The following RBFOX2 variants were observed in gnomAD, a reference collection of about 807,000 sequenced individuals.
The protein encoded by RBFOX2 is RNA binding protein fox-1 homolog 2.
RBFOX2 carries 10 observed loss-of-function variants against 49.1 expected under a neutral mutation model. The observed-to-expected ratio is 0.20, with a 90% confidence interval of 0.13 to 0.35. The LOEUF (loss-of-function observed/expected upper bound fraction) is 0.35, where lower values mean the gene tolerates loss of function less well. RBFOX2 is among the 10% of genes least tolerant of loss of function. The probability of loss-of-function intolerance (pLI) is 1.00; values close to 1 mark genes in which losing one functional copy is unlikely to be tolerated. For synonymous variants in RBFOX2, 183 were observed against 187.4 expected (o/e 0.98, Z 0.19); for missense variants, 323 against 486.9 (o/e 0.66, Z 3.17).
At chr22:35,951,241 C>CTTTTT (rs1208551684) in intron 1 of RBFOX2, among the ~76,000 whole-genome samples, 17 of 78,346 alleles carry the variant, frequency 2.2e-4, no homozygotes, top group South Asian at 4.4e-4. Context: ...GCACCCGGCC[C>CTTTTT]TTTTTTTTTT....
At chr22:35,900,460 G>A (rs538236324) in intron 1 of RBFOX2, among the ~76,000 whole-genome samples, 1 of 152,170 alleles carries the variant, frequency 6.6e-6, no homozygotes, top group South Asian at 2.1e-4. Context: ...TTCTTCAGAA[G>A]AAATCTGAGG....
At chr22:35,781,438 T>A (rs1475478371) in intron 3 of RBFOX2, among the ~76,000 whole-genome samples, 162 bp downstream of exon 4, 1 of 152,200 alleles carries the variant, frequency 6.6e-6, no homozygotes, top group Non-Finnish European at 1.5e-5. Context: ...GCAGACTGGA[T>A]GACAGAAAAA....
At chr22:35,832,850 AAAGAAG>A (rs200071694) in intron 1 of RBFOX2, among the ~76,000 whole-genome samples, 1 of 152,156 alleles carries the variant, frequency 6.6e-6, no homozygotes, top group Non-Finnish European at 1.5e-5. Flanking sequence ...TCTCCAAAAC[AAAGAAG>A]AAGAAGAAGT....
At chr22:35,901,355 A>G (rs2149449712) in intron 1 of RBFOX2, among the ~76,000 whole-genome samples, 1 of 152,326 alleles carries the variant, frequency 6.6e-6, no homozygotes, top group Non-Finnish European at 1.5e-5. Flanking sequence ...AAGACTTTAA[A>G]TAACAAATGA....
chr22:35,789,490 C>A (rs1947150307), intron 2 of RBFOX2, among the ~76,000 whole-genome samples: 1 of 152,128 alleles, frequency 6.6e-6, no homozygotes, highest in South Asian at 2.1e-4. Context: ...TTGCAATGAG[C>A]TGAGATCGCA....
intron 1 of RBFOX2, among the ~76,000 whole-genome samples, chr22:35,901,861 C>T (rs1329617905): frequency 2.6e-5 from 4 of 151,988 alleles, no homozygotes; most frequent in Non-Finnish European, 1.5e-5. Context: ...GCAGGCGGAT[C>T]ACTTGAGTTC....
At chr22:35,947,738 C>T (rs1603452209) in intron 1 of RBFOX2, among the ~76,000 whole-genome samples, 1 of 64,892 alleles carries the variant, frequency 1.5e-5, no homozygotes, top group Non-Finnish European at 3.4e-5. Context: ...AATAAGAATA[C>T]AAATAAAATA....
intron 1 of RBFOX2, among the ~76,000 whole-genome samples, chr22:35,825,736 T>A (rs1955528021): frequency 6.6e-6 from 1 of 151,852 alleles, no homozygotes; most frequent in African/African-American, 2.4e-5. Flanking sequence ...ATCCCAGCAC[T>A]CTGGGAGGCC....
At chr22:35,985,890 AGATAGATAGATG>A (rs748351973) in intron 1 of RBFOX2, among the ~76,000 whole-genome samples, 143 of 140,290 alleles carry the variant, frequency 1.0e-3, no homozygotes, top group South Asian at 1.9e-3. Context: ...CTAGATAGAT[AGATAGATAGATG>A]GATAGATAGA....
intron 9 of RBFOX2, among the ~76,000 whole-genome samples, chr22:35,755,829 T>C (rs527962216): frequency 6.6e-6 from 1 of 151,998 alleles, no homozygotes; most frequent in South Asian, 2.1e-4. Flanking sequence ...TCTGTGGGTA[T>C]AGGGAAGGGA....
intron 1 of RBFOX2, among the ~76,000 whole-genome samples, chr22:35,910,247 T>C (rs1361581734): frequency 6.6e-6 from 1 of 152,228 alleles, no homozygotes; most frequent in South Asian, 2.1e-4. Context: ...TGTTATTCAA[T>C]TCATTATATT....
rs185016545 is a variant in RBFOX2, at chr22:35,769,578, T to G, written c.454-1229A>C. ...TTCCATGCTGCTTATATCTGCAAAG[T>G]GGTAAAGTCTTAGGATTTTCTACAA... On this transcript the variant is annotated intron_variant, in intron 4 of 11. Transcript: ENST00000405409. Among the ~76,000 whole-genome samples the G allele has an allele frequency of 5.3e-5, 8 of 152,304 alleles. No homozygotes were observed. The East Asian group carries it at 9.6e-4, about 18-fold the overall frequency.
chr22:35,803,407 G>A (rs1184638394), intron 2 of RBFOX2, among the ~76,000 whole-genome samples: 1 of 152,202 alleles, frequency 6.6e-6, no homozygotes, highest in Non-Finnish European at 1.5e-5. Flanking sequence ...TGGGCATGGT[G>A]TCTCACACCT....
Position 35,759,648 on chromosome 22 carries a change from G to C in RBFOX2, c.887+240C>G, listed in dbSNP as rs539885961. Among the ~76,000 whole-genome samples, 2 of 152,306 alleles carry C rather than the reference G, an allele frequency of 1.3e-5. No individual in the cohort carries two copies. Among genetic ancestry groups the C allele is most frequent in the African/African-American group, 4.8e-5 (2 of 41,564 alleles). ...AAGACGGTTCTGGCTACTGTCTTAA[G>C]CCATTACCATGAGGGCTTAAGGTGG... On this transcript the variant is annotated intron_variant, in intron 9 of 11. Transcript: ENST00000405409. This position sits in a 1 kb window ranked among gnomAD's most constrained non-coding sequence, Gnocchi z 4.6.
chr22:35,831,040 G>C (rs1173750272), intron 1 of RBFOX2, among the ~76,000 whole-genome samples: 2 of 152,156 alleles, frequency 1.3e-5, no homozygotes, highest in Non-Finnish European at 2.9e-5. Flanking sequence ...GAAATTGCGA[G>C]GTCCTGTATC....
At chr22:35,807,912 C>T (rs1350949591) in intron 2 of RBFOX2, among the ~76,000 whole-genome samples, 1 of 151,702 alleles carries the variant, frequency 6.6e-6, no homozygotes, top group Admixed American at 6.6e-5. Context: ...ACCACAGACC[C>T]TACAAAAATT....
chr22:35,974,710 C>A (rs1368615197), intron 1 of RBFOX2, among the ~76,000 whole-genome samples: 1 of 151,988 alleles, frequency 6.6e-6, no homozygotes, highest in African/African-American at 2.4e-5. Flanking sequence ...ACAACAACAA[C>A]AAAAACAGGC....
chr22:35,970,492 A>AC (rs1368328154), intron 1 of RBFOX2, among the ~76,000 whole-genome samples: 1 of 145,908 alleles, frequency 6.9e-6, no homozygotes, highest in Admixed American at 6.6e-5. Context: ...AAAAAAAAAA[A>AC]AAACACACAC....
intron 1 of RBFOX2, among the ~76,000 whole-genome samples, chr22:36,019,091 A>C (rs1447022019): frequency 6.6e-6 from 1 of 152,216 alleles, no homozygotes; most frequent in East Asian, 1.9e-4. Context: ...TAAAATTTGA[A>C]ACACGACATT....
Sources: gnomAD v4.1 joint callset for allele counts (sites outside exome capture counted in the v4.1 genomes callset) on GRCh38, gnomAD v4.1.1 for gene constraint, Gnocchi (gnomAD v3.1) non-coding constraint, MANE v1.5 for transcripts, NCBI Gene and HGNC (gene_info 2026-07-23, HGNC 2026-07-21) for gene names.